MTFR1: variants seen among roughly 807,000 people sequenced by gnomAD.
The protein encoded by MTFR1 is chondrocyte protein with a poly-proline region.
Under a neutral mutation model 38.8 loss-of-function variants are expected in MTFR1, and 28 were observed. The ratio of observed to expected loss-of-function variants is 0.72; its 90% CI spans 0.53 to 0.99. The LOEUF is 0.99. Ranked by LOEUF, MTFR1 falls within the 50% of genes least tolerant of loss-of-function variation. MTFR1 has a pLI of 0.00. For synonymous variants in MTFR1, 145 were observed against 137.0 expected, an observed-to-expected ratio of 1.06 and a Z score of -0.41; for missense variants, 358 against 395.5, an observed-to-expected ratio of 0.91 and a Z score of 0.81.
chr8:65,686,956 G>A (rs1805103404), intron 3 of MTFR1, among the ~76,000 whole-genome samples: 1 of 151,108 alleles, frequency 6.6e-6, no homozygotes, highest in Non-Finnish European at 1.5e-5. Flanking sequence ...ACAAATGTTT[G>A]TGGCCATTTT....
chr8:65,659,852 C>T (rs1048916235), intron 1 of MTFR1, among the ~76,000 whole-genome samples: 5 of 152,094 alleles, frequency 3.3e-5, no homozygotes, highest in African/African-American at 1.2e-4. Flanking sequence ...GCTTTCTGTC[C>T]AGTCTTCCCT....
chr8:65,776,703 T>C, the MTFR1 span, among the ~76,000 whole-genome samples: 1 of 152,222 alleles, frequency 6.6e-6, no homozygotes, highest in Admixed American at 6.5e-5. Flanking sequence ...TCACTGTTAC[T>C]TTACAGAACT....
In MTFR1 at chr8:65,687,409, G is replaced by A. The variant is rs368394372; in HGVS notation, c.165+4958G>A. On this transcript the variant is annotated intron_variant, in intron 3 of 7. Transcript: ENST00000262146. ...CACCCAGGCTGGAGTGCAGTGGCACGATCTTGGCTCATTGCAAGCTCTGCC... is the reference window on the plus strand; with the variant it reads ...CACCCAGGCTGGAGTGCAGTGGCACAATCTTGGCTCATTGCAAGCTCTGCC... Among the ~76,000 whole-genome samples the A allele has an allele frequency of 2.7e-5, 4 of 148,410 alleles. No individual in the cohort carries two copies. The South Asian group carries it at 8.4e-4, about 31-fold the overall frequency.
At position 65,709,399 on chromosome 8, in the gene MTFR1, GT is replaced by G. The variant is rs1217025617; in HGVS notation, c.*359del. The G allele has an allele frequency of 1.1e-5, 2 of 178,808 alleles. No homozygotes were observed. The highest frequency in any genetic ancestry group is 2.4e-5 in the Non-Finnish European group (2 of 84,858). 11.1% of individuals were successfully genotyped at this position (178,808 alleles called of 1,614,324 possible). A position where few individuals can be genotyped will look rare whatever the true frequency, so the allele number is the denominator to read the frequency against. ...TTAACACTAATTTATCTGTATAAGT[GT>G]TTTATATGCATATTTTTGGACATAA... On this transcript the variant is annotated 3_prime_UTR_variant, in exon 8 of 8. Transcript: ENST00000262146.
intron 4 of MTFR1, among the ~76,000 whole-genome samples, chr8:65,695,138 G>T (rs900695831): frequency 6.6e-6 from 1 of 152,152 alleles, no homozygotes; most frequent in Non-Finnish European, 1.5e-5. Flanking sequence ...GCCAGACCAA[G>T]AAATAGACCA....
intron 1 of MTFR1, among the ~76,000 whole-genome samples, chr8:65,653,535 G>GA (rs992867436): frequency 2.6e-5 from 4 of 151,464 alleles, no homozygotes; most frequent in Non-Finnish European, 5.9e-5. Flanking sequence ...AAGAAAGAAA[G>GA]AAAAAAACAG....
intron 3 of MTFR1, among the ~76,000 whole-genome samples, chr8:65,688,455 T>C (rs531090380): frequency 6.7e-6 from 1 of 148,732 alleles, no homozygotes; most frequent in African/African-American, 2.4e-5. Context: ...TCTTTTCTTT[T>C]TTTTTTTTTT....
At chr8:65,712,772 A>G (rs1326687670), downstream of MTFR1, among the ~76,000 whole-genome samples, 3 of 152,236 alleles carry the variant, frequency 2.0e-5, no homozygotes, top group Non-Finnish European at 2.9e-5. Context: ...ACTGTTGTTT[A>G]TAAGTCACCT....
At chr8:65,719,181 C>T in intron 2 of MTFR1, 1 of 714,572 alleles carries the variant, frequency 1.4e-6, no homozygotes, top group Non-Finnish European at 2.5e-6. Context: ...TGGCTGGCAT[C>T]ACTCACTTGG....
intron 1 of MTFR1, among the ~76,000 whole-genome samples, chr8:65,658,984 A>G (rs922742457): frequency 6.6e-6 from 1 of 152,148 alleles, no homozygotes; most frequent in Non-Finnish European, 1.5e-5. Flanking sequence ...AGGGAAGCCA[A>G]GTTTCATCAC....
rs1220978414 is a variant in MTFR1 at position 65,708,403 on chromosome 8, A to T, written c.933+392A>T. On this transcript the variant is annotated intron_variant, in intron 7 of 7. Transcript: ENST00000262146. ...GTATAGTAACAATGTATATTTTGTG[A>T]CATAGAAATTCAAAGTACAGTGAGA... 5 of 312,784 alleles carry T rather than the reference A, an allele frequency of 1.6e-5. No individual in the cohort carries two copies. In the East Asian group the frequency reaches 4.4e-4, roughly 28 times the overall value. The allele number at this position is 312,784 out of a possible 1,614,324, so 19.4% of individuals were successfully genotyped here. A position where few individuals can be genotyped will look rare whatever the true frequency, so the allele number is the denominator to read the frequency against.
chr8:65,771,430 T>A (rs1277228920), downstream of MTFR1, among the ~76,000 whole-genome samples: 1 of 152,096 alleles, frequency 6.6e-6, no homozygotes, highest in Non-Finnish European at 1.5e-5. Flanking sequence ...AATTAAAAAA[T>A]TATGAATAGT....
intron 3 of MTFR1, among the ~76,000 whole-genome samples, chr8:65,751,272 C>T (rs1327373514): frequency 1.3e-5 from 2 of 152,050 alleles, no homozygotes; most frequent in East Asian, 1.9e-4. Context: ...CCAGAACTTT[C>T]GGGGGATGTC....
At chr8:65,749,312 A>G (rs1028987804) in intron 3 of MTFR1, among the ~76,000 whole-genome samples, 1 of 152,248 alleles carries the variant, frequency 6.6e-6, no homozygotes, top group African/African-American at 2.4e-5. Context: ...AAATAAATGC[A>G]TACTATTTTT....
At chr8:65,711,051 C>T (rs904542796), downstream of MTFR1, among the ~76,000 whole-genome samples, 1 of 152,022 alleles carries the variant, frequency 6.6e-6, no homozygotes, top group Non-Finnish European at 1.5e-5. Context: ...AGTCAGAGAA[C>T]ACTGGACTTG....
intron 2 of MTFR1, among the ~76,000 whole-genome samples, chr8:65,715,996 CAAAAAAAAAAAAA>C (rs779701295): frequency 0.025 from 856 of 33,910 alleles, 24 homozygotes; most frequent in African/African-American, 0.11. Context: ...GGCTCTGTCT[CAAAAAAAAAAAAA>C]AAAAAAAAAA....
intron 1 of MTFR1, among the ~76,000 whole-genome samples, chr8:65,650,361 C>T (rs1015342202): frequency 1.3e-5 from 2 of 151,842 alleles, no homozygotes; most frequent in East Asian, 1.9e-4. Flanking sequence ...TTAGTAGAGA[C>T]GGGGTTTCAC....
At chr8:65,662,871 C>G (rs1210160438) in intron 1 of MTFR1, among the ~76,000 whole-genome samples, 1 of 151,048 alleles carries the variant, frequency 6.6e-6, no homozygotes, top group East Asian at 2.0e-4. Flanking sequence ...GGGGTTAGGC[C>G]CCAGCCCGGC....
intron 6 of MTFR1, 103 bp from the exon 7 acceptor site, chr8:65,707,740 A>G (rs1417737403): frequency 4.3e-6 from 6 of 1,402,162 alleles, no homozygotes; most frequent in Non-Finnish European, 5.8e-6. Context: ...TGGAGTAGCT[A>G]TGATGCTGGA....
Sources: gnomAD v4.1 joint callset for allele counts (sites outside exome capture counted in the v4.1 genomes callset) on GRCh38, gnomAD v4.1.1 for gene constraint, MANE v1.5 for transcripts, NCBI Gene and HGNC (gene_info 2026-07-23, HGNC 2026-07-21) for gene names.